The following FOXP1 variants were observed in gnomAD, a reference collection of about 807,000 sequenced individuals.
FOXP1 encodes forkhead box protein P1.
FOXP1 carries 15 observed loss-of-function variants against 98.2 expected under a neutral mutation model. That is an observed-to-expected ratio of 0.15 (90% confidence interval 0.10 to 0.24). The LOEUF (loss-of-function observed/expected upper bound fraction) is 0.24. FOXP1 is among the 10% of genes least tolerant of loss of function. FOXP1 has a pLI of 1.00. For missense variants in FOXP1, 633 were observed against 848.5 expected (o/e 0.75, Z 3.15); for synonymous variants, 371 against 314.5 (o/e 1.18, Z -1.90).
chr3:71,559,956 T>C (rs9869741), intron 2 of FOXP1, among the ~76,000 whole-genome samples: 12,245 of 152,146 alleles, frequency 0.08, 618 homozygotes, highest in African/African-American at 0.13. Flanking sequence ...AATGCTTACA[T>C]GGCAGAACAT....
At chr3:71,399,559 T>C (rs957243114) in intron 3 of FOXP1, among the ~76,000 whole-genome samples, 1 of 152,122 alleles carries the variant, frequency 6.6e-6, no homozygotes, top group African/African-American at 2.4e-5. Context: ...ACACAGAACA[T>C]AGTTCCAACA....
intron 11 of FOXP1, among the ~76,000 whole-genome samples, chr3:71,020,901 C>A (rs2045334984): frequency 6.6e-6 from 1 of 152,112 alleles, no homozygotes; most frequent in Admixed American, 6.5e-5. Context: ...TATGCCTCCC[C>A]ACAAACACCA....
At chr3:71,247,558 G>T (rs1191723204) in intron 5 of FOXP1, among the ~76,000 whole-genome samples, 1 of 152,202 alleles carries the variant, frequency 6.6e-6, no homozygotes, top group Non-Finnish European at 1.5e-5. Context: ...GCCTGCGAGC[G>T]ACTTTGGTGG....
chr3:71,575,357 A>C (rs1367119270), intron 2 of FOXP1, among the ~76,000 whole-genome samples: 1 of 152,216 alleles, frequency 6.6e-6, no homozygotes, highest in South Asian at 2.1e-4. Context: ...CATGCATCAG[A>C]ATTATCAAGG....
upstream of FOXP1, chr3:71,583,863 G>T (rs894602825): frequency 2.0e-6 from 2 of 985,528 alleles, no homozygotes; most frequent in Non-Finnish European, 2.4e-6. Flanking sequence ...GCGCACCCCG[G>T]CCCGACCCTC....
At chr3:71,540,547 T>C (rs1214783313) in intron 2 of FOXP1, among the ~76,000 whole-genome samples, 1 of 152,244 alleles carries the variant, frequency 6.6e-6, no homozygotes, top group African/African-American at 2.4e-5. Context: ...GAATACTGTA[T>C]GTGCTGCAGG....
chr3:71,126,201 T>C (rs1403567914), intron 6 of FOXP1, among the ~76,000 whole-genome samples: 1 of 152,130 alleles, frequency 6.6e-6, no homozygotes, highest in East Asian at 1.9e-4. Flanking sequence ...AAAGAAATTT[T>C]TGGCCGGGCG....
chr3:71,134,996 C>G (rs750297110), intron 6 of FOXP1, among the ~76,000 whole-genome samples: 4 of 152,086 alleles, frequency 2.6e-5, no homozygotes, highest in African/African-American at 9.7e-5. Flanking sequence ...CGGTGGCTCA[C>G]GCCTGTAATC....
chr3:71,516,620 T>C (rs1577963218), intron 2 of FOXP1, among the ~76,000 whole-genome samples: 1 of 151,984 alleles, frequency 6.6e-6, no homozygotes, highest in Non-Finnish European at 1.5e-5. Context: ...CCAAGGCGGG[T>C]GGATCTCCTG....
chr3:71,462,057 T>C (rs2088189853), intron 3 of FOXP1, among the ~76,000 whole-genome samples: 1 of 152,108 alleles, frequency 6.6e-6, no homozygotes, highest in Non-Finnish European at 1.5e-5. Context: ...GGTGTTGATA[T>C]TGTCTGCCTT....
chr3:71,172,274 C>T (rs1312569674), intron 6 of FOXP1, among the ~76,000 whole-genome samples: 1 of 152,058 alleles, frequency 6.6e-6, no homozygotes, highest in Admixed American at 6.5e-5. Context: ...ATAGAATATG[C>T]CTGCTTTTTA....
At chr3:71,363,797 G>A (rs566642748) in intron 3 of FOXP1, among the ~76,000 whole-genome samples, 1 of 152,294 alleles carries the variant, frequency 6.6e-6, no homozygotes, top group African/African-American at 2.4e-5. Flanking sequence ...GTGGGGCCTG[G>A]TGACTGAGTT....
intron 18 of FOXP1, chr3:70,972,277 AAAT>A: frequency 8.6e-7 from 1 of 1,159,788 alleles, no homozygotes; most frequent in Non-Finnish European, 1.2e-6. Flanking sequence ...AGGAAAAAGA[AAAT>A]AAAATGCAAT....
chr3:70,960,438 A>T (rs2106885559), intron 20 of FOXP1, among the ~76,000 whole-genome samples: 1 of 152,328 alleles, frequency 6.6e-6, no homozygotes, highest in East Asian at 1.9e-4. Context: ...GACTGGGGTG[A>T]TCACACAAAA....
intron 12 of FOXP1, among the ~76,000 whole-genome samples, chr3:71,010,530 G>A (rs1489420627): frequency 6.6e-6 from 1 of 152,040 alleles, no homozygotes; most frequent in Admixed American, 6.6e-5. Flanking sequence ...CTATTACTAG[G>A]GGAGTGTAAA....
chr3:71,333,852 A>G (rs2076502734), intron 4 of FOXP1: 1 of 152,116 alleles, frequency 6.6e-6, no homozygotes. Context: ...AAAATAAACA[A>G]AAAAGAATTA....
chr3:71,583,908 A>AC, upstream of FOXP1: 7 of 974,068 alleles, frequency 7.2e-6, no homozygotes, highest in Non-Finnish European at 8.5e-6. Context: ...CGCTTCACGC[A>AC]CCCCGCTGGG....
At chr3:71,425,225 C>T (rs1451064422) in intron 3 of FOXP1, among the ~76,000 whole-genome samples, 1 of 152,166 alleles carries the variant, frequency 6.6e-6, no homozygotes, top group Non-Finnish European at 1.5e-5. Flanking sequence ...AAGCAATTCT[C>T]CTGTCTCAGC....
chr3:71,422,082 C>T (rs1374739699), intron 3 of FOXP1, among the ~76,000 whole-genome samples: 3 of 152,166 alleles, frequency 2.0e-5, no homozygotes, highest in East Asian at 1.9e-4. Context: ...TCAAGCACTG[C>T]GACATCTTAA....
Sources: gnomAD v4.1 joint callset for allele counts (sites outside exome capture counted in the v4.1 genomes callset) on GRCh38, gnomAD v4.1.1 for gene constraint, MANE v1.5 for transcripts, NCBI Gene and HGNC (gene_info 2026-07-23, HGNC 2026-07-21) for gene names.